The following DGKZ variants were observed in gnomAD, a reference collection of about 807,000 sequenced individuals.
DGKZ encodes the protein DAG kinase zeta.
In DGKZ, 45 loss-of-function variants were observed where a neutral mutation model predicts 142.5. That is an observed-to-expected ratio of 0.32 (90% CI 0.25 to 0.40). The LOEUF is 0.40. DGKZ is among the 10% of genes least tolerant of loss of function. The pLI, the probability that DGKZ is intolerant of heterozygous loss-of-function variation, is 1.00. For missense variants in DGKZ, 755 were observed against 1,306.5 expected, an observed-to-expected ratio of 0.58 and a Z score of 6.51; for synonymous variants, 442 against 527.0, an observed-to-expected ratio of 0.84 and a Z score of 2.21.
upstream of DGKZ, among the ~76,000 whole-genome samples, chr11:46,343,296 C>T (rs1025115862): frequency 2.6e-5 from 4 of 152,150 alleles, no homozygotes; most frequent in Non-Finnish European, 5.9e-5. Context: ...TTATTAATTG[C>T]ATAGCATGCA....
At chr11:46,359,796 T>C (rs11038873) in intron 1 of DGKZ, among the ~76,000 whole-genome samples, 21 of 150,444 alleles carry the variant, frequency 1.4e-4, no homozygotes, top group African/African-American at 4.9e-4. Flanking sequence ...TTTTGTATTG[T>C]TAGTAGAGAC....
chr11:46,366,072 A>G (rs1943209370), intron 1 of DGKZ: 1 of 985,260 alleles, frequency 1.0e-6, no homozygotes, highest in Admixed American at 6.1e-5. Flanking sequence ...CAGAGGCTGC[A>G]GTGACCCCTC....
chr11:46,345,943 TGGAGTAA>T (rs1940570495), upstream of DGKZ, among the ~76,000 whole-genome samples: 1 of 152,134 alleles, frequency 6.6e-6, no homozygotes, highest in Non-Finnish European at 1.5e-5. The surrounding 1 kb of genome is among the most constrained non-coding windows in gnomAD (Gnocchi z 4.1). Context: ...TCTCAGAGCT[TGGAGTAA>T]GAGCCATTGG....
At chr11:46,348,308 A>C (rs1365469168) in intron 1 of DGKZ, among the ~76,000 whole-genome samples, 1 of 152,196 alleles carries the variant, frequency 6.6e-6, no homozygotes, top group Non-Finnish European at 1.5e-5. Flanking sequence ...ACTGCGTGGC[A>C]TCTGCAGAAC....
At chr11:46,352,281 G>A (rs1007703905) in intron 1 of DGKZ, among the ~76,000 whole-genome samples, 6 of 152,244 alleles carry the variant, frequency 3.9e-5, no homozygotes, top group African/African-American at 1.4e-4. Flanking sequence ...AGGCTGCCCT[G>A]CAGTGCCTCT....
chr11:46,367,510 G>A lies in DGKZ; in HGVS notation c.270+111G>A, dbSNP rs1166216251. 2 of 1,367,648 alleles carry A rather than the reference G, an allele frequency of 1.5e-6. No individual in the cohort carries two copies. Among genetic ancestry groups the A allele is most frequent in the African/African-American group, 2.9e-5 (2 of 69,112 alleles). 84.7% of individuals were successfully genotyped at this position (1,367,648 alleles called of 1,614,324 possible). ...GGGAGAGCCAAGCCTGGAAGGGTTG[G>A]GACAGTGGGGCAGACGGAACAGAGC... is the stretch of plus-strand genomic sequence containing the variant. On this transcript the variant is annotated intron_variant, in intron 2 of 30. Coordinates refer to ENST00000527911, the Ensembl canonical transcript of DGKZ. The surrounding 1 kb of genome is among the most constrained non-coding windows in gnomAD (Gnocchi z 4.1).
chr11:46,352,123 G>C (rs1242891553), intron 1 of DGKZ, among the ~76,000 whole-genome samples: 1 of 152,254 alleles, frequency 6.6e-6, no homozygotes, highest in African/African-American at 2.4e-5. Context: ...GAATTCGCCA[G>C]TGGCCCCCCC....
chr11:46,378,633 T>C (rs753370436), intron 27 of DGKZ, 133 bp downstream of exon 27: 4 of 1,230,248 alleles, frequency 3.3e-6, no homozygotes, highest in African/African-American at 1.5e-5. Flanking sequence ...CTGTGGGATC[T>C]CCAGTGATCG....
rs778698240 is a variant in DGKZ, at chr11:46,372,726, C to A, written c.1072-45C>A. The A allele has an allele frequency of 9.3e-6, 15 of 1,611,314 alleles. No individual in the cohort carries two copies. Among genetic ancestry groups the A allele is most frequent in the Non-Finnish European group, 8.5e-6 (10 of 1,178,848 alleles). On this transcript the variant is annotated intron_variant, in intron 12 of 30. Coordinates refer to ENST00000527911, the Ensembl canonical transcript of DGKZ. The surrounding 1 kb of genome is among the most constrained non-coding windows in gnomAD (Gnocchi z 5.9). ...CGAGCACCAGGGCTGGGCCTGAAGC[C>A]GGGGTCCCTGTGGGCCTGATTTGCC... is the stretch of plus-strand genomic sequence containing the variant.
chr11:46,349,832 A>G (rs148543923), intron 1 of DGKZ, among the ~76,000 whole-genome samples: 12 of 152,358 alleles, frequency 7.9e-5, no homozygotes, highest in African/African-American at 2.2e-4. Context: ...CCCTTTCTCT[A>G]TACCAGGATC....
upstream of DGKZ, among the ~76,000 whole-genome samples, chr11:46,347,149 G>A (rs901918018): frequency 2.6e-5 from 4 of 152,218 alleles, no homozygotes; most frequent in African/African-American, 7.2e-5. This position sits in a 1 kb window ranked among gnomAD's most constrained non-coding sequence, Gnocchi z 6.4. Flanking sequence ...GTGTACACTT[G>A]TGAGCGTGCA....
At chr11:46,371,967 T>C in intron 9 of DGKZ, 108 bp from the exon 10 acceptor site, 1 of 1,251,288 alleles carries the variant, frequency 8.0e-7, no homozygotes. Context: ...CCAGAGATGG[T>C]ACGTGAGGGT....
In DGKZ at chr11:46,347,504, C is replaced by G; in HGVS notation, c.-156C>G. ...GCGGCGGCAGCGGCTTCCCGGGCAC[C>G]TGGGCGTGGGGAGCGGGGGCGCGCG... On this transcript the variant is annotated 5_prime_UTR_variant, in exon 1 of 31. Transcript: ENST00000527911. The surrounding 1 kb of genome is among the most constrained non-coding windows in gnomAD (Gnocchi z 6.4). The G allele has an allele frequency of 2.0e-6, 2 of 982,204 alleles. No individual in the cohort carries two copies. Among genetic ancestry groups the G allele is most frequent in the Non-Finnish European group, 2.4e-6 (2 of 829,046 alleles). 60.8% of individuals were successfully genotyped at this position (982,204 alleles called of 1,614,324 possible).
chr11:46,375,291 C>T, intron 19 of DGKZ, 141 bp from the exon 20 acceptor site: 1 of 1,014,476 alleles, frequency 9.9e-7, no homozygotes, highest in Non-Finnish European at 1.4e-6. Flanking sequence ...CCTGGGGTCT[C>T]AGCCTCCCCT....
rs1209679138 is a variant in DGKZ at position 46,379,245 on chromosome 11, C to G, written c.2573+9C>G. 6.2e-7 allele frequency: 1 copy of G among 1,603,756 alleles called. No homozygotes were observed. The highest frequency in any genetic ancestry group is 8.5e-7 in the Non-Finnish European group (1 of 1,171,042). On this transcript the variant is annotated intron_variant, in intron 29 of 30. Transcript: ENST00000527911. ...GATGCGGTGGAGGAAAAGTAAGTAT[C>G]TGGGCAGTGCAGAACCGTGGTCACC...
chr11:46,371,415 C>T, intron 7 of DGKZ, 31 bp downstream of exon 7: 5 of 1,611,600 alleles, frequency 3.1e-6, no homozygotes, highest in African/African-American at 2.7e-5. Flanking sequence ...CAGGGCCAGG[C>T]CCTGCACTGC....
intron 9 of DGKZ, 66 bp downstream of exon 9, chr11:46,371,841 G>C (rs762572584): frequency 1.3e-6 from 2 of 1,546,500 alleles, no homozygotes; most frequent in Non-Finnish European, 1.8e-6. Context: ...TCAGGGTACA[G>C]AACTTCCACC....
At chr11:46,349,060 C>T (rs1413782894) in intron 1 of DGKZ, among the ~76,000 whole-genome samples, 1 of 152,194 alleles carries the variant, frequency 6.6e-6, no homozygotes, top group Non-Finnish European at 1.5e-5. Flanking sequence ...CTAGCATACC[C>T]GTGATGCTGA....
chr11:46,378,194 G>T lies in DGKZ; in HGVS notation c.2343-4G>T, dbSNP rs755419472. On this transcript the variant is annotated splice_polypyrimidine_tract_variant and splice_region_variant and intron_variant, in intron 25 of 30. Coordinates refer to ENST00000527911, the Ensembl canonical transcript of DGKZ. ...CGGTCACAGCACATCATGCTCTGTT[G>T]CAGGTCACTGCAAGGGGATGCTGCA... 2 of 1,609,184 alleles carry T rather than the reference G, an allele frequency of 1.2e-6. No individual in the cohort carries two copies. The highest frequency in any genetic ancestry group is 4.5e-5 in the East Asian group (2 of 44,830).
Sources: gnomAD v4.1 joint callset for allele counts (sites outside exome capture counted in the v4.1 genomes callset) on GRCh38, gnomAD v4.1.1 for gene constraint, Gnocchi (gnomAD v3.1) non-coding constraint, MANE v1.5 for transcripts, NCBI Gene and HGNC (gene_info 2026-07-23, HGNC 2026-07-21) for gene names.